Variants in RBFOX1 observed in about 807,000 individuals in gnomAD.
RBFOX1 encodes the protein RNA binding fox-1 homolog 1.
A neutral mutation model predicts 57.7 loss-of-function variants in RBFOX1; 8 were observed. That is an observed-to-expected ratio of 0.14 (90% CI 0.08 to 0.25). The LOEUF (loss-of-function observed/expected upper bound fraction) is 0.25, where lower values mean the gene tolerates loss of function less well. Ranked by LOEUF, RBFOX1 falls within the 10% of genes least tolerant of loss-of-function variation. The pLI is 1.00. For synonymous variants in RBFOX1, 326 were observed against 222.4 expected (o/e 1.47, Z -4.15); for missense variants, 611 against 548.5 (o/e 1.11, Z -1.14).
intron 2 of RBFOX1, among the ~76,000 whole-genome samples, chr16:6,404,587 C>A (rs909580317): frequency 6.6e-6 from 1 of 152,078 alleles, no homozygotes; most frequent in Non-Finnish European, 1.5e-5. Context: ...CCTTTTTCTT[C>A]TTTTTCCTTC....
Position 7,019,170 on chromosome 16 carries a change from AT to A in RBFOX1, c.-15-32881del, listed in dbSNP as rs925212201. Among the ~76,000 whole-genome samples, 122 of 152,056 alleles carry A rather than the reference AT, an allele frequency of 8.0e-4. 1 individual carries two copies. The highest frequency in any genetic ancestry group is 2.9e-3 in the African/African-American group (120 of 41,530). On this transcript the variant is annotated intron_variant, in intron 3 of 15. Coordinates refer to ENST00000550418, the MANE Select transcript of RBFOX1 (RefSeq NM_018723.4). Reference sequence around the variant, plus strand: ...ACCATTCCTTTGTAATATTTCTAAAATTTTTTAGGACACTAAATTATTTTAT... The same window carrying A: ...ACCATTCCTTTGTAATATTTCTAAAATTTTTAGGACACTAAATTATTTTAT...
At chr16:5,802,508 T>G (rs2055091910) in intron 3 of RBFOX1, among the ~76,000 whole-genome samples, 1 of 152,180 alleles carries the variant, frequency 6.6e-6, no homozygotes, top group Non-Finnish European at 1.5e-5. Context: ...TCCCATCCTC[T>G]GCCATCACAG....
intron 3 of RBFOX1, among the ~76,000 whole-genome samples, chr16:6,696,689 G>A (rs943029128): frequency 2.5e-5 from 1 of 39,724 alleles, no homozygotes; most frequent in Non-Finnish European, 9.5e-5. Context: ...ATATCTCAAA[G>A]GAGATTTTTT....
At chr16:6,583,122 C>A (rs1233884186) in intron 2 of RBFOX1, among the ~76,000 whole-genome samples, 1 of 152,234 alleles carries the variant, frequency 6.6e-6, no homozygotes, top group African/African-American at 2.4e-5. Flanking sequence ...TCAGAGCCAG[C>A]ATTCTCCACT....
At chr16:6,902,803 G>A (rs2068809984) in intron 3 of RBFOX1, among the ~76,000 whole-genome samples, 1 of 152,068 alleles carries the variant, frequency 6.6e-6, no homozygotes, top group South Asian at 2.1e-4. Context: ...ACCAAATAAA[G>A]CTTTAACATT....
chr16:6,298,240 G>A (rs34406606), intron 1 of RBFOX1, among the ~76,000 whole-genome samples: 49,425 of 151,938 alleles, frequency 0.33, 8,571 homozygotes, highest in Middle Eastern at 0.39. Context: ...CCTGCGAGGG[G>A]GTCAGGGAAC....
intron 4 of RBFOX1, among the ~76,000 whole-genome samples, chr16:7,112,242 T>C (rs2064933892): frequency 6.6e-6 from 1 of 152,100 alleles, no homozygotes; most frequent in Non-Finnish European, 1.5e-5. Flanking sequence ...GGGGTCTGTC[T>C]TCCAGGCTGG....
intron 2 of RBFOX1, among the ~76,000 whole-genome samples, chr16:6,330,463 T>C (rs2082881533): frequency 1.3e-5 from 2 of 152,146 alleles, no homozygotes; most frequent in Non-Finnish European, 2.9e-5. Flanking sequence ...AAAAGGGATA[T>C]GGTGAAAGGT....
intron 3 of RBFOX1, among the ~76,000 whole-genome samples, chr16:6,940,717 C>A (rs1383993208): frequency 2.0e-5 from 3 of 151,732 alleles, no homozygotes; most frequent in Admixed American, 2.0e-4. Flanking sequence ...CCTGCCTCAG[C>A]CTCCCGAGTA....
intron 4 of RBFOX1, among the ~76,000 whole-genome samples, chr16:5,905,858 C>T (rs2058443583): frequency 6.6e-6 from 1 of 152,190 alleles, no homozygotes. Flanking sequence ...CAAATGCCTC[C>T]TCCGGAAGCC....
chr16:6,611,665 C>G (rs1036889174), intron 2 of RBFOX1, among the ~76,000 whole-genome samples: 1 of 152,190 alleles, frequency 6.6e-6, no homozygotes, highest in African/African-American at 2.4e-5. Context: ...TGTGCTTTAT[C>G]AGAGCAAGGA....
chr16:7,564,329 G>A (rs1360129839), intron 5 of RBFOX1, among the ~76,000 whole-genome samples: 1 of 151,888 alleles, frequency 6.6e-6, no homozygotes, highest in Non-Finnish European at 1.5e-5. Flanking sequence ...CGCGAGGTCA[G>A]GAGTTCAAGA....
chr16:5,287,473 G>T (rs1022312477), intron 1 of RBFOX1, among the ~76,000 whole-genome samples: 2 of 152,200 alleles, frequency 1.3e-5, no homozygotes, highest in Non-Finnish European at 2.9e-5. Context: ...AATCTACAGA[G>T]ATAAAGGACG....
chr16:7,173,261 G>A (rs932046884), intron 4 of RBFOX1, among the ~76,000 whole-genome samples: 23 of 152,042 alleles, frequency 1.5e-4, no homozygotes, highest in African/African-American at 5.3e-4. Flanking sequence ...CACTGACTAC[G>A]AAAACCTGGT....
chr16:6,634,667 TA>T (rs762240798), intron 2 of RBFOX1, among the ~76,000 whole-genome samples: 9 of 70,190 alleles, frequency 1.3e-4, no homozygotes, highest in Non-Finnish European at 2.8e-4. Context: ...TATATGTATA[TA>T]TGTAAATATG....
chr16:7,697,787 C>T (rs1358921985), intron 14 of RBFOX1, among the ~76,000 whole-genome samples: 1 of 152,304 alleles, frequency 6.6e-6, no homozygotes, highest in South Asian at 2.1e-4. Context: ...CTACCTTCCC[C>T]AGTATGCTAT....
chr16:5,742,037 TAATA>T (rs142837162), intron 3 of RBFOX1, among the ~76,000 whole-genome samples: 6 of 152,278 alleles, frequency 3.9e-5, no homozygotes, highest in Non-Finnish European at 8.8e-5. Flanking sequence ...TAAGAGAAAA[TAATA>T]AATCAGATTT....
At chr16:5,455,059 GTCTC>G (rs2068588716) in intron 1 of RBFOX1, among the ~76,000 whole-genome samples, 1 of 130,922 alleles carries the variant, frequency 7.6e-6, no homozygotes, top group Non-Finnish European at 1.6e-5. Flanking sequence ...TTCTTTCTCT[GTCTC>G]TTTCTCTCCC....
At chr16:6,753,473 C>G (rs916274730) in intron 3 of RBFOX1, among the ~76,000 whole-genome samples, 4 of 152,146 alleles carry the variant, frequency 2.6e-5, no homozygotes, top group Admixed American at 6.5e-5. Context: ...GGAAGATCAT[C>G]TTGCTATAAC....
Sources: gnomAD v4.1 joint callset for allele counts (sites outside exome capture counted in the v4.1 genomes callset) on GRCh38, gnomAD v4.1.1 for gene constraint, MANE v1.5 for transcripts, NCBI Gene and HGNC (gene_info 2026-07-23, HGNC 2026-07-21) for gene names.